Variants in XKR6 observed in about 807,000 individuals in gnomAD.
XKR6 encodes XK-related protein 6.
Under a neutral mutation model 56.7 loss-of-function variants are expected in XKR6, and 22 were observed. That is an observed-to-expected ratio of 0.39 (90% CI 0.28 to 0.55). The LOEUF (loss-of-function observed/expected upper bound fraction) is 0.55. Ranked by LOEUF, XKR6 falls within the 20% of genes least tolerant of loss-of-function variation. The pLI, the probability that XKR6 is intolerant of heterozygous loss-of-function variation, is 0.66. For missense variants in XKR6, 852 were observed against 889.0 expected, an observed-to-expected ratio of 0.96 and a Z score of 0.53; for synonymous variants, 524 against 387.8, an observed-to-expected ratio of 1.35 and a Z score of -4.13.
At chr8:11,048,382 GC>G (rs1004025745) in intron 1 of XKR6, among the ~76,000 whole-genome samples, 1 of 152,172 alleles carries the variant, frequency 6.6e-6, no homozygotes, top group Non-Finnish European at 1.5e-5. Flanking sequence ...TGGAGGCCTT[GC>G]CTTCTCTCCC....
intron 1 of XKR6, among the ~76,000 whole-genome samples, chr8:11,085,939 C>T (rs7812573): frequency 6.6e-6 from 1 of 151,886 alleles, no homozygotes; most frequent in Non-Finnish European, 1.5e-5. Flanking sequence ...TGCATTTCCA[C>T]CAACTTCCCA....
chr8:11,110,131 T>C (rs1388516405), intron 1 of XKR6, among the ~76,000 whole-genome samples: 1 of 151,948 alleles, frequency 6.6e-6, no homozygotes, highest in Non-Finnish European at 1.5e-5. Context: ...CGCCACCACA[T>C]CCGGCTCATT....
At chr8:11,178,550 A>ATATATATATATATG (rs1563197740) in intron 1 of XKR6, among the ~76,000 whole-genome samples, 3 of 95,440 alleles carry the variant, frequency 3.1e-5, no homozygotes, top group African/African-American at 2.3e-4. Flanking sequence ...AGGTAAAAAT[A>ATATATATATATATG]TATATATATA....
At chr8:10,953,280 G>A (rs1483342917) in intron 1 of XKR6, among the ~76,000 whole-genome samples, 1 of 152,150 alleles carries the variant, frequency 6.6e-6, no homozygotes, top group Non-Finnish European at 1.5e-5. Flanking sequence ...CATCTTCCTT[G>A]GTGCTCTCCT....
intron 1 of XKR6, among the ~76,000 whole-genome samples, chr8:11,141,838 G>T (rs1283733129): frequency 6.6e-6 from 1 of 152,154 alleles, no homozygotes; most frequent in Non-Finnish European, 1.5e-5. Context: ...TAGAAGGTAG[G>T]ACAGTAATTA....
chr8:11,177,654 C>G (rs576365431), intron 1 of XKR6, among the ~76,000 whole-genome samples: 2 of 152,294 alleles, frequency 1.3e-5, no homozygotes, highest in African/African-American at 4.8e-5. Flanking sequence ...AGAGGGAAAA[C>G]ACCAGTGACA....
chr8:10,987,586 C>T (rs1192117396), intron 1 of XKR6, among the ~76,000 whole-genome samples: 1 of 152,214 alleles, frequency 6.6e-6, no homozygotes, highest in Non-Finnish European at 1.5e-5. Flanking sequence ...AACTGGCTTC[C>T]ATTCCTCCCC....
intron 1 of XKR6, among the ~76,000 whole-genome samples, chr8:11,088,418 C>T (rs1797961397): frequency 6.6e-6 from 1 of 152,206 alleles, no homozygotes; most frequent in South Asian, 2.1e-4. Context: ...TCTCACATTG[C>T]TTTGTCACGT....
At chr8:10,918,442 G>A (rs1304589611) in intron 2 of XKR6, among the ~76,000 whole-genome samples, 1 of 152,214 alleles carries the variant, frequency 6.6e-6, no homozygotes, top group Non-Finnish European at 1.5e-5. Context: ...TGTGTGTACT[G>A]GACTTGACAG....
chr8:11,080,852 G>A (rs1797693807), intron 1 of XKR6, among the ~76,000 whole-genome samples: 1 of 152,222 alleles, frequency 6.6e-6, no homozygotes, highest in African/African-American at 2.4e-5. Context: ...GCCGGTCGAA[G>A]CTGCCAACCT....
intron 1 of XKR6, among the ~76,000 whole-genome samples, chr8:10,976,324 C>T (rs1179244492): frequency 1.3e-5 from 2 of 152,222 alleles, no homozygotes; most frequent in Non-Finnish European, 2.9e-5. Context: ...CCTTCCTTCC[C>T]CTGCCATGGG....
chr8:11,178,713 A>C (rs868022847), intron 1 of XKR6, among the ~76,000 whole-genome samples: 1 of 136,420 alleles, frequency 7.3e-6, no homozygotes, highest in South Asian at 2.1e-4. Context: ...GGGATGGAGG[A>C]AAGATTGGAT....
rs138751437 is a variant in XKR6, at chr8:11,161,246, C to T, written c.764+39330G>A. Among the ~76,000 whole-genome samples the T allele has an allele frequency of 4.3e-3, 650 of 152,248 alleles. 6 individuals are homozygous for T. The highest frequency in any genetic ancestry group is 0.014 in the South Asian group (67 of 4,826). On this transcript the variant is annotated intron_variant, in intron 1 of 2. Coordinates refer to ENST00000416569, the MANE Select transcript of XKR6 (RefSeq NM_173683.4). ...TATCTCCCTCCCTCCAATCTAAACT[C>T]CTCTGAATGGGGTCTAGAGTTATCT...
At chr8:10,918,160 C>T (rs1279807498) in intron 2 of XKR6, among the ~76,000 whole-genome samples, 6 of 152,170 alleles carry the variant, frequency 3.9e-5, no homozygotes, top group Admixed American at 3.3e-4. Context: ...GGGCGGTGAG[C>T]CCATATGTGT....
chr8:11,109,729 T>A (rs916333370), intron 1 of XKR6: 7 of 152,210 alleles, frequency 4.6e-5, no homozygotes, highest in African/African-American at 1.7e-4. Flanking sequence ...CTTTAAACTA[T>A]TCATTCCAGT....
At chr8:10,941,914 GCC>G (rs1336600554) in intron 1 of XKR6, among the ~76,000 whole-genome samples, 1 of 151,608 alleles carries the variant, frequency 6.6e-6, no homozygotes, top group African/African-American at 2.4e-5. Context: ...CAGCAGCCAG[GCC>G]TGTGGGCTGC....
chr8:11,055,962 A>G (rs953232431), intron 1 of XKR6, among the ~76,000 whole-genome samples: 4 of 152,250 alleles, frequency 2.6e-5, no homozygotes, highest in Non-Finnish European at 5.9e-5. Flanking sequence ...CAACAACAGG[A>G]AGCCTGTCTG....
chr8:11,105,178 G>T (rs571345034), intron 1 of XKR6: 1 of 152,084 alleles, frequency 6.6e-6, no homozygotes, highest in African/African-American at 2.4e-5. Flanking sequence ...TTATTGCACG[G>T]TTCCAAGAAA....
In XKR6 at chr8:11,201,159, T is replaced by C; in HGVS notation, c.181A>G (p.Asn61Asp). The change falls in exon 1 of 3, where the codon AAC becomes GAC. Residue 61 changes from asparagine (N) to aspartate (D), a missense_variant. Coordinates refer to ENST00000416569, the MANE Select transcript of XKR6 (RefSeq NM_173683.4). ...SSSMHICHCC[N>D]TSSCYWGCRS... ...CAGCCCCAGTAGCACGAGGAGGTGT[T>C]GCAGCAGTGGCAGATGTGCATCGAG... The C allele has an allele frequency of 1.3e-6, 2 of 1,524,480 alleles. No individual in the cohort carries two copies. Among genetic ancestry groups the C allele is most frequent in the Non-Finnish European group, 1.8e-6 (2 of 1,142,706 alleles). 94.4% of individuals were successfully genotyped at this position (1,524,480 alleles called of 1,614,324 possible).
Sources: gnomAD v4.1 joint callset for allele counts (sites outside exome capture counted in the v4.1 genomes callset) on GRCh38, gnomAD v4.1.1 for gene constraint, MANE v1.5 for transcripts, NCBI Gene and HGNC (gene_info 2026-07-23, HGNC 2026-07-21) for gene names.